CCDC85B: variants seen among roughly 807,000 people sequenced by gnomAD.
CCDC85B encodes the protein coiled-coil domain-containing protein 85B.
In CCDC85B, 8 loss-of-function variants were observed where a neutral mutation model predicts 13.6. That is an observed-to-expected ratio of 0.59 (90% CI 0.35 to 1.06). The LOEUF (loss-of-function observed/expected upper bound fraction) is 1.06, where lower values mean the gene tolerates loss of function less well. Among genes scored for constraint, CCDC85B ranks in the 50% least tolerant of loss-of-function variants. The pLI, the probability that CCDC85B is intolerant of heterozygous loss-of-function variation, is 0.02. For missense variants in CCDC85B, 217 were observed against 285.9 expected (o/e 0.76, Z 1.74); for synonymous variants, 118 against 135.9 (o/e 0.87, Z 0.92).
chr11:65,890,769 G>A lies in CCDC85B; in HGVS notation c.-15G>A. On this transcript the variant is annotated 5_prime_UTR_variant, in exon 1 of 1. Coordinates refer to ENST00000312579, the MANE Select transcript of CCDC85B (RefSeq NM_006848.3). ...GCGGCGGCGGGCGGGCGATGCTCCA[G>A]AGGCCTGACCAGCCATGGAGGCCGA... is the stretch of plus-strand genomic sequence containing the variant. 2.1e-6 allele frequency: 3 copies of A among 1,431,124 alleles called. No homozygotes were observed. In the South Asian group the frequency reaches 4.4e-5, roughly 21 times the overall value. The allele number at this position is 1,431,124 out of a possible 1,614,324, so 88.7% of individuals were successfully genotyped here.
Position 65,890,969 on chromosome 11 carries a change from G to C in CCDC85B, c.186G>C (p.Glu62Asp), listed in dbSNP as rs769695608. The C allele has an allele frequency of 1.3e-6, 2 of 1,532,524 alleles. No individual in the cohort carries two copies. The highest frequency in any genetic ancestry group is 2.8e-5 in the African/African-American group (2 of 72,120). 94.9% of individuals were successfully genotyped at this position (1,532,524 alleles called of 1,614,324 possible). Reference protein sequence around the residue: ...QLQGHLGEIRELKQLNRRLQA... With the variant: ...QLQGHLGEIRDLKQLNRRLQA... The stretch of plus-strand genomic sequence containing the variant: ...AGGGCCACCTGGGCGAGATCCGCGA[G>C]CTCAAGCAGCTCAACCGGCGTCTGC... Residue 62 changes from glutamate to aspartate, a missense_variant, in exon 1 of 1, where the codon GAG (glutamate) becomes GAC (aspartate). Glu to Asp is a conservative substitution (Grantham distance 45, BLOSUM62 2). Transcript: ENST00000312579.
Position 65,891,600 on chromosome 11 carries a change from G to A in CCDC85B, c.*208G>A. 1.8e-6 allele frequency: 1 copy of A among 552,030 alleles called. No individual in the cohort carries two copies. The highest frequency in any genetic ancestry group is 3.0e-6 in the Non-Finnish European group (1 of 330,466). The allele number at this position is 552,030 out of a possible 1,614,324, so 34.2% of individuals were successfully genotyped here. A position where few individuals can be genotyped will look rare whatever the true frequency, so the allele number is the denominator to read the frequency against. ...GCTGGAGCGGAGGGACTTGCTGGGG[G>A]TTGGATTGGGGGTAATAAACCCGGA... On this transcript the variant is annotated 3_prime_UTR_variant, in exon 1 of 1. Transcript: ENST00000312579. This position sits in a 1 kb window ranked among gnomAD's most constrained non-coding sequence, Gnocchi z 7.3.
In CCDC85B at chr11:65,891,107, C is replaced by G; in HGVS notation, c.324C>G (p.Ala108=). ...WQLFGTQASR[A]VREDLGGCWQ... The stretch of plus-strand genomic sequence containing the variant: ...TCTTCGGGACCCAAGCATCCCGGGC[C>G]GTGCGCGAGGACCTGGGCGGCTGTT... The change falls in exon 1 of 1, where the codon GCC becomes GCG. Residue 108 remains alanine, a synonymous_variant. Transcript: ENST00000312579. This position sits in a 1 kb window ranked among gnomAD's most constrained non-coding sequence, Gnocchi z 7.3. The G allele has an allele frequency of 6.4e-7, 1 of 1,571,224 alleles. No individual in the cohort carries two copies. Among genetic ancestry groups the G allele is most frequent in the East Asian group, 2.4e-5 (1 of 42,296 alleles).
Position 65,890,871 on chromosome 11 carries a change from C to A in CCDC85B, c.88C>A (p.Arg30=), listed in dbSNP as rs1314711920. Residue 30 remains arginine, a synonymous_variant, in exon 1 of 1, where the codon CGG becomes AGG. Coordinates refer to ENST00000312579, the MANE Select transcript of CCDC85B (RefSeq NM_006848.3). The stretch of plus-strand genomic sequence containing the variant: ...GGAAGAGCTAGTGCGGCGCCTGCGG[C>A]GGGAGGAGGCGGCGCGCCTGGCGGC... ...GKEELVRRLR[R]EEAARLAALV... The A allele has an allele frequency of 6.6e-7, 1 of 1,510,060 alleles. No homozygotes were observed. The allele number at this position is 1,510,060 out of a possible 1,614,324, so 93.5% of individuals were successfully genotyped here.
In CCDC85B at chr11:65,890,998, C is replaced by T. The variant is rs1022987381; in HGVS notation, c.215C>T (p.Ala72Val). 3.9e-6 allele frequency: 6 copies of T among 1,537,398 alleles called. No individual in the cohort carries two copies. The African/African-American group carries it at 8.3e-5, about 21-fold the overall frequency. The change falls in exon 1 of 1, where the codon GCA (alanine) becomes GTA (valine). Residue 72 changes from alanine to valine, a missense_variant. By Grantham distance (64) the Ala-to-Val change is moderately conservative. Transcript: ENST00000312579. ...ELKQLNRRLQ[A>V]ENRELRDLCC... Reference sequence around the variant, plus strand: ...AAGCAGCTCAACCGGCGTCTGCAGGCAGAGAACCGTGAGCTGCGCGACCTC... The same window carrying T: ...AAGCAGCTCAACCGGCGTCTGCAGGTAGAGAACCGTGAGCTGCGCGACCTC...
In CCDC85B at chr11:65,891,174, C is replaced by T. The variant is rs747058001; in HGVS notation, c.391C>T (p.Leu131=). 1.3e-6 allele frequency: 2 copies of T among 1,543,308 alleles called. No homozygotes were observed. The highest frequency in any genetic ancestry group is 1.4e-5 in the African/African-American group (1 of 71,594). The change falls in exon 1 of 1, where the codon CTG becomes TTG. Residue 131 remains leucine, a synonymous_variant. Transcript: ENST00000312579. This position sits in a 1 kb window ranked among gnomAD's most constrained non-coding sequence, Gnocchi z 7.3. ...GCTGGAGGGCCGCCAGGAGGAGCTG[C>T]TGCGGGAGAACCTAGCGCTTAAGGA... ...AELEGRQEEL[L]RENLALKELC...
At position 65,891,633 on chromosome 11, in the gene CCDC85B, G is replaced by A; in HGVS notation, c.*241G>A. The A allele has an allele frequency of 2.2e-6, 1 of 456,738 alleles. No homozygotes were observed. The allele number at this position is 456,738 out of a possible 1,614,324, so 28.3% of individuals were successfully genotyped here. A position where few individuals can be genotyped will look rare whatever the true frequency, so the allele number is the denominator to read the frequency against. On this transcript the variant is annotated 3_prime_UTR_variant, in exon 1 of 1. Coordinates refer to ENST00000312579, the MANE Select transcript of CCDC85B (RefSeq NM_006848.3). The surrounding 1 kb of genome is among the most constrained non-coding windows in gnomAD (Gnocchi z 7.3). ...GGGGGTAATAAACCCGGACGGAAGCGGAGCCCACGGCCTGGGCAGCGTCTG... is the reference window on the plus strand; with the variant it reads ...GGGGGTAATAAACCCGGACGGAAGCAGAGCCCACGGCCTGGGCAGCGTCTG...
chr11:65,891,425 G>A lies in CCDC85B; in HGVS notation c.*33G>A. ...GCTTCCTCCACGCCGACGCCCGCCC[G>A]GATTGCTCCCCGAGCCCCGGGACCG... On this transcript the variant is annotated 3_prime_UTR_variant, in exon 1 of 1. Coordinates refer to ENST00000312579, the MANE Select transcript of CCDC85B (RefSeq NM_006848.3). The surrounding 1 kb of genome is among the most constrained non-coding windows in gnomAD (Gnocchi z 7.3). 9 of 1,525,822 alleles carry A rather than the reference G, an allele frequency of 5.9e-6. No individual in the cohort carries two copies. Among genetic ancestry groups the A allele is most frequent in the Non-Finnish European group, 7.9e-6 (9 of 1,140,082 alleles). 94.5% of individuals were successfully genotyped at this position (1,525,822 alleles called of 1,614,324 possible). A position where few individuals can be genotyped will look rare whatever the true frequency, so the allele number is the denominator to read the frequency against.
Position 65,891,150 on chromosome 11 carries a change from C to G in CCDC85B, c.367C>G (p.Leu123Val). The change falls in exon 1 of 1, where the codon CTG (leucine) becomes GTG (valine). Residue 123 changes from leucine (L) to valine (V), a missense_variant. Leu to Val is a conservative substitution (Grantham distance 32, BLOSUM62 1). Coordinates refer to ENST00000312579, the MANE Select transcript of CCDC85B (RefSeq NM_006848.3). This position sits in a 1 kb window ranked among gnomAD's most constrained non-coding sequence, Gnocchi z 7.3. ...LGGCWQKLAELEGRQEELLRE... is the reference protein window; with the variant it reads ...LGGCWQKLAEVEGRQEELLRE... ...CGGCTGTTGGCAGAAGCTGGCCGAG[C>G]TGGAGGGCCGCCAGGAGGAGCTGCT... is the stretch of plus-strand genomic sequence containing the variant. 6.4e-7 allele frequency: 1 copy of G among 1,561,124 alleles called. No individual in the cohort carries two copies. The highest frequency in any genetic ancestry group is 8.6e-7 in the Non-Finnish European group (1 of 1,157,206).
Position 65,891,162 on chromosome 11 carries a change from C to A in CCDC85B, c.379C>A (p.Gln127Lys). 6.4e-7 allele frequency: 1 copy of A among 1,553,862 alleles called. No homozygotes were observed. Residue 127 changes from glutamine (Q) to lysine (K), a missense_variant, in exon 1 of 1, where the codon CAG (glutamine) becomes AAG (lysine). Coordinates refer to ENST00000312579, the MANE Select transcript of CCDC85B (RefSeq NM_006848.3). This position sits in a 1 kb window ranked among gnomAD's most constrained non-coding sequence, Gnocchi z 7.3. ...GAAGCTGGCCGAGCTGGAGGGCCGC[C>A]AGGAGGAGCTGCTGCGGGAGAACCT... ...WQKLAELEGR[Q>K]EELLRENLAL...
Position 65,891,331 on chromosome 11 carries a change from C to T in CCDC85B, c.548C>T (p.Ser183Phe), listed in dbSNP as rs1860382090. ...CGPRDLGDGS[S>F]STGSVGSPDQ... ...CCCCGCGACCTAGGCGATGGAAGCT[C>T]CAGCACTGGCAGCGTGGGCAGTCCG... Residue 183 changes from serine (S) to phenylalanine (F), a missense_variant, in exon 1 of 1, where the codon TCC (serine) becomes TTC (phenylalanine). By Grantham distance (155) the Ser-to-Phe change is radical. Transcript: ENST00000312579. The surrounding 1 kb of genome is among the most constrained non-coding windows in gnomAD (Gnocchi z 7.3). 1 of 1,605,764 alleles carries T rather than the reference C, an allele frequency of 6.2e-7. No homozygotes were observed. Among genetic ancestry groups the T allele is most frequent in the African/African-American group, 1.4e-5 (1 of 73,690 alleles).
In CCDC85B at chr11:65,891,263, A is replaced by G; in HGVS notation, c.480A>G (p.Ser160=). ...GCGGCCCCAGCGGCGCCGGGGGATC[A>G]GGAGCCGGGCCAGCACCCGAGCTTG... ...PRGGPSGAGG[S]GAGPAPELAL... The change falls in exon 1 of 1, where the codon TCA becomes TCG. Residue 160 remains serine (S), a synonymous_variant. Transcript: ENST00000312579. This position sits in a 1 kb window ranked among gnomAD's most constrained non-coding sequence, Gnocchi z 7.3. 1 of 1,535,840 alleles carries G rather than the reference A, an allele frequency of 6.5e-7. No homozygotes were observed. Among genetic ancestry groups the G allele is most frequent in the Non-Finnish European group, 8.7e-7 (1 of 1,144,056 alleles).
chr11:65,890,894 G>T lies in CCDC85B; in HGVS notation c.111G>T (p.Ala37=), dbSNP rs1042929340. ...GGCGGGAGGAGGCGGCGCGCCTGGC[G>T]GCACTGGTGCAGCGCGGCCGCCTCA... ...RLRREEAARL[A]ALVQRGRLMQ... is the part of the protein sequence containing the mutation. Residue 37 remains alanine, a synonymous_variant, in exon 1 of 1, where the codon GCG becomes GCT. Transcript: ENST00000312579. 58 of 1,525,208 alleles carry T rather than the reference G, an allele frequency of 3.8e-5. No individual in the cohort carries two copies. Among genetic ancestry groups the T allele is most frequent in the Non-Finnish European group, 5.1e-5 (58 of 1,142,570 alleles). 94.5% of individuals were successfully genotyped at this position (1,525,208 alleles called of 1,614,324 possible).
Position 65,890,687 on chromosome 11 carries a change from T to A in CCDC85B, c.-97T>A. 2 of 1,285,530 alleles carry A rather than the reference T, an allele frequency of 1.6e-6. No individual in the cohort carries two copies. Among genetic ancestry groups the A allele is most frequent in the Non-Finnish European group, 9.9e-7 (1 of 1,010,670 alleles). The allele number at this position is 1,285,530 out of a possible 1,614,324, so 79.6% of individuals were successfully genotyped here. ...GCTGCCTCGGCCACTGCCTGCCGCG[T>A]GCGGAGCCGGAGCCCGAGCCTGAGT... On this transcript the variant is annotated 5_prime_UTR_variant, in exon 1 of 1. Transcript: ENST00000312579.
chr11:65,890,844 A>C lies in CCDC85B; in HGVS notation c.61A>C (p.Lys21Gln), dbSNP rs1317150676. 1 of 1,523,002 alleles carries C rather than the reference A, an allele frequency of 6.6e-7. No individual in the cohort carries two copies. The highest frequency in any genetic ancestry group is 1.2e-5 in the South Asian group (1 of 82,838). The allele number at this position is 1,523,002 out of a possible 1,614,324, so 94.3% of individuals were successfully genotyped here. A position where few individuals can be genotyped will look rare whatever the true frequency, so the allele number is the denominator to read the frequency against. The change falls in exon 1 of 1, where the codon AAG (lysine) becomes CAG (glutamine). Residue 21 changes from lysine to glutamine, a missense_variant. Physicochemically the swap from Lys to Gln is moderately conservative, Grantham distance 53 (BLOSUM62 1). Transcript: ENST00000312579. ...GGACGAGGAGATGGCGGCGCTAGGC[A>C]AGGAAGAGCTAGTGCGGCGCCTGCG... ...LTDEEMAALG[K>Q]EELVRRLRRE...
chr11:65,891,267 G>A lies in CCDC85B; in HGVS notation c.484G>A (p.Ala162Thr). ...CCCCAGCGGCGCCGGGGGATCAGGA[G>A]CCGGGCCAGCACCCGAGCTTGCCTT... ...GGPSGAGGSGAGPAPELALPP... is the reference protein window; with the variant it reads ...GGPSGAGGSGTGPAPELALPP... The change falls in exon 1 of 1, where the codon GCC (alanine) becomes ACC (threonine). Residue 162 changes from alanine (A) to threonine (T), a missense_variant. Ala to Thr is a moderately conservative substitution (Grantham distance 58, BLOSUM62 0). Coordinates refer to ENST00000312579, the MANE Select transcript of CCDC85B (RefSeq NM_006848.3). This position sits in a 1 kb window ranked among gnomAD's most constrained non-coding sequence, Gnocchi z 7.3. 1 of 1,541,990 alleles carries A rather than the reference G, an allele frequency of 6.5e-7. No individual in the cohort carries two copies. The highest frequency in any genetic ancestry group is 8.7e-7 in the Non-Finnish European group (1 of 1,146,624).
chr11:65,891,500 C>G lies in CCDC85B; in HGVS notation c.*108C>G. The G allele has an allele frequency of 2.4e-6, 3 of 1,245,938 alleles. No individual in the cohort carries two copies. Among genetic ancestry groups the G allele is most frequent in the East Asian group, 3.0e-5 (1 of 32,888 alleles). The allele number at this position is 1,245,938 out of a possible 1,614,324, so 77.2% of individuals were successfully genotyped here. A position where few individuals can be genotyped will look rare whatever the true frequency, so the allele number is the denominator to read the frequency against. ...CGTCCTGGCTGCGCAGGAGGGGCCG[C>G]TGGCATGGACTAAGAAATCCTGACA... On this transcript the variant is annotated 3_prime_UTR_variant, in exon 1 of 1. Transcript: ENST00000312579. The surrounding 1 kb of genome is among the most constrained non-coding windows in gnomAD (Gnocchi z 7.3).
Position 65,891,603 on chromosome 11 carries a change from G to A in CCDC85B, c.*211G>A, listed in dbSNP as rs576923197. 1.7e-5 allele frequency: 9 copies of A among 537,324 alleles called. 1 individual carries two copies. The highest frequency in any genetic ancestry group is 1.2e-4 in the African/African-American group (6 of 50,104). The allele number at this position is 537,324 out of a possible 1,614,324, so 33.3% of individuals were successfully genotyped here. The stretch of plus-strand genomic sequence containing the variant: ...GGAGCGGAGGGACTTGCTGGGGGTT[G>A]GATTGGGGGTAATAAACCCGGACGG... On this transcript the variant is annotated 3_prime_UTR_variant, in exon 1 of 1. Coordinates refer to ENST00000312579, the MANE Select transcript of CCDC85B (RefSeq NM_006848.3). The surrounding 1 kb of genome is among the most constrained non-coding windows in gnomAD (Gnocchi z 7.3).
Position 65,890,945 on chromosome 11 carries a change from G to C in CCDC85B, c.162G>C (p.Gln54His), listed in dbSNP as rs1860375992. 6.5e-7 allele frequency: 1 copy of C among 1,530,582 alleles called. No homozygotes were observed. Among genetic ancestry groups the C allele is most frequent in the Admixed American group, 2.0e-5 (1 of 50,820 alleles). 94.8% of individuals were successfully genotyped at this position (1,530,582 alleles called of 1,614,324 possible). A position where few individuals can be genotyped will look rare whatever the true frequency, so the allele number is the denominator to read the frequency against. Residue 54 changes from glutamine (Q) to histidine (H), a missense_variant, in exon 1 of 1, where the codon CAG becomes CAC. Physicochemically the swap from Gln to His is conservative, Grantham distance 24 (BLOSUM62 0). Transcript: ENST00000312579. ...TGCAGGAGGTGAATCGGCAGCTGCA[G>C]GGCCACCTGGGCGAGATCCGCGAGC... ...RLMQEVNRQL[Q>H]GHLGEIRELK...
Sources: allele counts gnomAD v4.1 joint callset, GRCh38; gene constraint gnomAD v4.1.1; non-coding constraint Gnocchi (gnomAD v3.1); transcripts MANE v1.5; gene names NCBI Gene and HGNC (gene_info 2026-07-23, HGNC 2026-07-21).